Variants in SIPA1L1 observed in about 807,000 individuals in gnomAD.
SIPA1L1 encodes signal induced proliferation associated 1 like 1.
SIPA1L1 carries 26 observed loss-of-function variants against 162.7 expected under a neutral mutation model. The ratio of observed to expected loss-of-function variants is 0.16; its 90% CI spans 0.12 to 0.22. SIPA1L1 has a LOEUF of 0.22. SIPA1L1 is among the 10% of genes least tolerant of loss of function. The pLI, the probability that SIPA1L1 is intolerant of heterozygous loss-of-function variation, is 1.00. For synonymous variants in SIPA1L1, 829 were observed against 837.4 expected (o/e 0.99, Z 0.17); for missense variants, 1,874 against 2,241.0 (o/e 0.84, Z 3.31).
chr14:71,446,659 T>G (rs1167850578), intron 2 of SIPA1L1, among the ~76,000 whole-genome samples: 1 of 152,144 alleles, frequency 6.6e-6, no homozygotes, highest in Non-Finnish European at 1.5e-5. Flanking sequence ...TGTTTTTTTG[T>G]GTGTGTGCAT....
At position 71,477,715 on chromosome 14, in the gene SIPA1L1, T is replaced by C. The variant is rs535442466; in HGVS notation, c.-464-35028T>C. On this transcript the variant is annotated intron_variant, in intron 2 of 23. Transcript: ENST00000381232. ...TCCTTTTAATAGCTGAGTAGATCCCTTTATATGAAGGTACTGCAATTTATT... is the reference window on the plus strand; with the variant it reads ...TCCTTTTAATAGCTGAGTAGATCCCCTTATATGAAGGTACTGCAATTTATT... 5.9e-5 allele frequency among the ~76,000 whole-genome samples: 9 copies of C among 152,290 alleles called. No individual in the cohort carries two copies. The South Asian group carries it at 1.9e-3, about 32-fold the overall frequency.
At chr14:71,415,230 G>C (rs949222868) in intron 2 of SIPA1L1, among the ~76,000 whole-genome samples, 4 of 152,110 alleles carry the variant, frequency 2.6e-5, no homozygotes, top group African/African-American at 9.7e-5. Context: ...TGCTATTTGT[G>C]ACCTTCCTTG....
At chr14:71,560,254 A>G (rs1567206829) in intron 4 of SIPA1L1, among the ~76,000 whole-genome samples, 1 of 152,262 alleles carries the variant, frequency 6.6e-6, no homozygotes, top group Non-Finnish European at 1.5e-5. Context: ...CTCTAGTAGC[A>G]TAAGCAAAAG....
At chr14:71,681,195 C>G (rs945772665) in intron 12 of SIPA1L1, among the ~76,000 whole-genome samples, 2 of 152,294 alleles carry the variant, frequency 1.3e-5, no homozygotes, top group African/African-American at 4.8e-5. Context: ...CTGGAGTGAG[C>G]AGGCCCCTTA....
chr14:71,321,030 G>C (rs2032757104), intron 1 of SIPA1L1, 92 bp from the exon 2 acceptor site: 1 of 152,188 alleles, frequency 6.6e-6, no homozygotes, highest in Admixed American at 6.5e-5. Context: ...TCCGCGCTCG[G>C]CGCCCGCCTC....
At chr14:71,504,458 T>C (rs1423040705) in intron 2 of SIPA1L1, among the ~76,000 whole-genome samples, 1 of 152,196 alleles carries the variant, frequency 6.6e-6, no homozygotes, top group Non-Finnish European at 1.5e-5. Flanking sequence ...CTCTATTCTC[T>C]ACCTCCTTTT....
At chr14:71,491,305 C>T (rs1595739522) in intron 2 of SIPA1L1, among the ~76,000 whole-genome samples, 1 of 152,096 alleles carries the variant, frequency 6.6e-6, no homozygotes, top group African/African-American at 2.4e-5. Context: ...TACAGTTGTT[C>T]CTTTTGGTGA....
At chr14:71,401,809 T>C (rs1169899194) in intron 2 of SIPA1L1, among the ~76,000 whole-genome samples, 1 of 152,172 alleles carries the variant, frequency 6.6e-6, no homozygotes, top group Admixed American at 6.5e-5. Context: ...ACCAGTAATC[T>C]TATCACTCAT....
chr14:71,573,849 G>A (rs1596210635), intron 4 of SIPA1L1: 1 of 382,954 alleles, frequency 2.6e-6, no homozygotes, highest in East Asian at 7.2e-5. Flanking sequence ...TGATTTGTAT[G>A]CCTTTGATGC....
intron 4 of SIPA1L1, among the ~76,000 whole-genome samples, chr14:71,543,999 A>G (rs1212829466): frequency 6.7e-6 from 1 of 148,260 alleles, no homozygotes; most frequent in Non-Finnish European, 1.5e-5. Flanking sequence ...ATATACACAC[A>G]CGCACATGTA....
chr14:71,358,122 A>G (rs1294895237), intron 2 of SIPA1L1, among the ~76,000 whole-genome samples: 2 of 152,258 alleles, frequency 1.3e-5, no homozygotes, highest in East Asian at 3.9e-4. Context: ...TGGACCTCCC[A>G]AAGTGCTGGG....
chr14:71,678,601 T>C (rs1022092296), intron 12 of SIPA1L1, among the ~76,000 whole-genome samples: 1 of 152,192 alleles, frequency 6.6e-6, no homozygotes, highest in African/African-American at 2.4e-5. Context: ...TCTAAAATTC[T>C]TCTTTTTTGT....
chr14:71,716,026 T>G (rs992929403), intron 17 of SIPA1L1, among the ~76,000 whole-genome samples: 3 of 152,254 alleles, frequency 2.0e-5, no homozygotes, highest in Non-Finnish European at 4.4e-5. Flanking sequence ...TTCCCTATGC[T>G]GTATGTATTA....
chr14:71,333,059 A>G (rs937106477), intron 2 of SIPA1L1, among the ~76,000 whole-genome samples: 3 of 152,198 alleles, frequency 2.0e-5, no homozygotes, highest in Non-Finnish European at 2.9e-5. Flanking sequence ...CAACATTTAA[A>G]CTCAGCTCAG....
At chr14:71,668,874 C>G (rs1199337220) in intron 10 of SIPA1L1, among the ~76,000 whole-genome samples, 1 of 152,138 alleles carries the variant, frequency 6.6e-6, no homozygotes, top group Non-Finnish European at 1.5e-5. Context: ...TTAAAAATAC[C>G]AAGAACCGTT....
intron 16 of SIPA1L1, among the ~76,000 whole-genome samples, chr14:71,708,427 C>T (rs1304430635): frequency 2.0e-5 from 3 of 151,734 alleles, no homozygotes; most frequent in African/African-American, 7.3e-5. Flanking sequence ...TGGGCTCAAG[C>T]GATCCTCCCA....
intron 12 of SIPA1L1, among the ~76,000 whole-genome samples, chr14:71,677,245 T>C (rs528288750): frequency 2.6e-5 from 4 of 152,372 alleles, no homozygotes; most frequent in African/African-American, 4.8e-5. Context: ...CATTTTTTCA[T>C]GTGTCTGTTG....
At chr14:71,623,475 T>A (rs1189281509) in intron 6 of SIPA1L1, among the ~76,000 whole-genome samples, 3 of 152,196 alleles carry the variant, frequency 2.0e-5, no homozygotes, top group Non-Finnish European at 2.9e-5. Context: ...TTTTAAGAAA[T>A]AAGAGAAAAT....
intron 22 of SIPA1L1, among the ~76,000 whole-genome samples, chr14:71,736,918 C>G (rs185354805): frequency 6.6e-6 from 1 of 152,190 alleles, no homozygotes; most frequent in Non-Finnish European, 1.5e-5. Context: ...AGTGGCTTTG[C>G]GAAGGATACC....
Sources: allele counts gnomAD v4.1 joint callset (sites outside exome capture counted in the v4.1 genomes callset), GRCh38; gene constraint gnomAD v4.1.1; transcripts MANE v1.5; gene names NCBI Gene and HGNC (gene_info 2026-07-23, HGNC 2026-07-21).